The following CLIC5 variants were observed in gnomAD, a reference collection of about 807,000 sequenced individuals.
CLIC5 encodes the protein chloride intracellular channel protein 5.
In CLIC5, 20 loss-of-function variants were observed where a neutral mutation model predicts 24.7. The observed-to-expected ratio is 0.81, with a 90% CI of 0.57 to 1.18. CLIC5 has a LOEUF of 1.18. CLIC5 is among the 50% of genes most tolerant of loss of function. The pLI is 0.00. For missense variants in CLIC5, 341 were observed against 326.1 expected, an observed-to-expected ratio of 1.05 and a Z score of -0.35; for synonymous variants, 159 against 135.6, an observed-to-expected ratio of 1.17 and a Z score of -1.20.
intron 1 of CLIC5, among the ~76,000 whole-genome samples, chr6:45,965,950 G>T (rs570377604): frequency 6.6e-6 from 1 of 152,282 alleles, no homozygotes; most frequent in East Asian, 1.9e-4. Flanking sequence ...TCCTACAAAG[G>T]TTGGTGTTTG....
At chr6:45,967,173 C>G (rs746915092) in intron 1 of CLIC5, among the ~76,000 whole-genome samples, 1 of 152,226 alleles carries the variant, frequency 6.6e-6, no homozygotes, top group Admixed American at 6.5e-5. Context: ...CAAGCTGTAT[C>G]TCCACTCTCA....
intron 1 of CLIC5, among the ~76,000 whole-genome samples, chr6:45,969,786 T>C (rs1185692706): frequency 6.7e-6 from 1 of 149,008 alleles, no homozygotes; most frequent in African/African-American, 2.5e-5. Flanking sequence ...GGATTCACAT[T>C]CACATCAAGG....
intron 4 of CLIC5, among the ~76,000 whole-genome samples, chr6:45,935,292 C>T (rs79174144): frequency 2.0e-5 from 3 of 152,088 alleles, no homozygotes; most frequent in South Asian, 2.1e-4. Context: ...CAGTGGCAGG[C>T]GGGGAGGGGT....
At chr6:46,030,091 C>G (rs1263523784) in intron 1 of CLIC5, among the ~76,000 whole-genome samples, 1 of 152,118 alleles carries the variant, frequency 6.6e-6, no homozygotes, top group African/African-American at 2.4e-5. Context: ...TTTGTAACCT[C>G]CTTGAGAGCC....
chr6:45,920,656 T>G, intron 4 of CLIC5: 1 of 975,858 alleles, frequency 1.0e-6, no homozygotes, highest in Non-Finnish European at 1.2e-6. Context: ...CTTACTCATC[T>G]GTTGGAAGAA....
intron 1 of CLIC5, among the ~76,000 whole-genome samples, chr6:45,998,374 A>T (rs1430615020): frequency 6.6e-6 from 1 of 152,176 alleles, no homozygotes; most frequent in Non-Finnish European, 1.5e-5. Context: ...TAAGCAGTAA[A>T]TATCAAGGGA....
rs554810737 is a variant in CLIC5 at position 45,902,993 on chromosome 6, G to A, written c.*95C>T. ...GATGAGGCTTGATTATAAAAAGTGC[G>A]CCTCAAGGCAGTGATACAGAGGAGT... On this transcript the variant is annotated 3_prime_UTR_variant, in exon 6 of 6. Transcript: ENST00000339561. The A allele has an allele frequency of 6.2e-5, 82 of 1,327,952 alleles. No homozygotes were observed. Among genetic ancestry groups the A allele is most frequent in the Admixed American group, 1.9e-4 (10 of 51,404 alleles). The allele number at this position is 1,327,952 out of a possible 1,614,324, so 82.3% of individuals were successfully genotyped here. A position where few individuals can be genotyped will look rare whatever the true frequency, so the allele number is the denominator to read the frequency against.
At chr6:45,986,538 G>A (rs1765743446) in intron 1 of CLIC5, among the ~76,000 whole-genome samples, 2 of 152,206 alleles carry the variant, frequency 1.3e-5, no homozygotes, top group South Asian at 4.1e-4. Flanking sequence ...TGCCTTAAGG[G>A]CCACTTTGGG....
chr6:46,057,581 T>C (rs752008631), intron 1 of CLIC5, among the ~76,000 whole-genome samples: 1 of 152,246 alleles, frequency 6.6e-6, no homozygotes, highest in African/African-American at 2.4e-5. Context: ...GCTTAACTTT[T>C]GATGACTCCC....
Position 45,928,033 on chromosome 6 carries a change from A to T in CLIC5, c.406+13514T>A, listed in dbSNP as rs568355663. Among the ~76,000 whole-genome samples the T allele has an allele frequency of 2.6e-5, 4 of 152,290 alleles. No homozygotes were observed. The East Asian group carries it at 7.7e-4, about 29-fold the overall frequency. The stretch of plus-strand genomic sequence containing the variant: ...CTTAAGTCTGTGCCTGTCTTAACTC[A>T]TGAGGCTACTCCGGCTCAGCCTGGA... On this transcript the variant is annotated intron_variant, in intron 4 of 5. Coordinates refer to ENST00000339561, the MANE Select transcript of CLIC5 (RefSeq NM_016929.5).
At chr6:46,032,895 G>A (rs1280788267) in intron 1 of CLIC5, among the ~76,000 whole-genome samples, 1 of 151,380 alleles carries the variant, frequency 6.6e-6, no homozygotes, top group Admixed American at 6.6e-5. Context: ...ATCTGTAGCA[G>A]AATCACTTAG....
chr6:45,933,736 G>T (rs1278629083), intron 4 of CLIC5, among the ~76,000 whole-genome samples: 1 of 152,232 alleles, frequency 6.6e-6, no homozygotes, highest in African/African-American at 2.4e-5. Flanking sequence ...GCTGTTCTGT[G>T]TCCCATGTGC....
the CLIC5 span, among the ~76,000 whole-genome samples, chr6:46,109,067 C>T: frequency 6.6e-6 from 1 of 152,104 alleles, no homozygotes; most frequent in South Asian, 2.1e-4. Context: ...TAGGATATGT[C>T]ATCAGTAATA....
chr6:46,063,831 C>T lies in CLIC5; in HGVS notation c.540+15872G>A, dbSNP rs534776756. Among the ~76,000 whole-genome samples, 376 of 152,300 alleles carry T rather than the reference C, an allele frequency of 2.5e-3. 1 individual carries two copies. Among genetic ancestry groups the T allele is most frequent in the African/African-American group, 8.2e-3 (341 of 41,556 alleles). ...ACATGAGCTGTAGACTAGGGCGTTT[C>T]TGGACCCACTTCTACAAAGCTTAAA... is the stretch of plus-strand genomic sequence containing the variant. On this transcript the variant is annotated intron_variant, in intron 1 of 5. Transcript: ENST00000185206.
At chr6:45,944,754 T>C (rs546924616) in intron 3 of CLIC5, among the ~76,000 whole-genome samples, 1 of 152,280 alleles carries the variant, frequency 6.6e-6, no homozygotes, top group African/African-American at 2.4e-5. Context: ...TACTGAGGAC[T>C]AGGCCCTGAG....
chr6:45,997,822 T>C (rs542473533), intron 1 of CLIC5, among the ~76,000 whole-genome samples: 1 of 152,342 alleles, frequency 6.6e-6, no homozygotes, highest in East Asian at 1.9e-4. Context: ...AAGTGGCTAA[T>C]GTGAAAGTTA....
intron 4 of CLIC5, among the ~76,000 whole-genome samples, chr6:45,935,151 T>C (rs1025734994): frequency 4.9e-4 from 75 of 152,182 alleles, no homozygotes; most frequent in Non-Finnish European, 1.9e-4. Flanking sequence ...AAATGCAAAA[T>C]GTAAGACAGA....
intron 4 of CLIC5, among the ~76,000 whole-genome samples, chr6:45,918,726 GCCTGGGCCGAGTA>G (rs1265064379): frequency 1.3e-5 from 2 of 152,256 alleles, no homozygotes; most frequent in African/African-American, 4.8e-5. Flanking sequence ...TTGGGCACTG[GCCTGGGCCGAGTA>G]CCCTCTGCCC....
rs9381418 is a variant in CLIC5, at chr6:46,063,398, T to C, written c.540+16305A>G. ...ACAGACAAAGTATATGAAATGATGG[T>C]TTTCAGACATTAGGAATAGGATACA... is the stretch of plus-strand genomic sequence containing the variant. On this transcript the variant is annotated intron_variant, in intron 1 of 5. Coordinates refer to the CLIC5 transcript ENST00000185206. Among the ~76,000 whole-genome samples, 26 of 152,204 alleles carry C rather than the reference T, an allele frequency of 1.7e-4. No homozygotes were observed. In the East Asian group the frequency reaches 3.7e-3, roughly 21 times the overall value.
Sources: gnomAD v4.1 joint callset for allele counts (sites outside exome capture counted in the v4.1 genomes callset) on GRCh38, gnomAD v4.1.1 for gene constraint, MANE v1.5 for transcripts, NCBI Gene and HGNC (gene_info 2026-07-23, HGNC 2026-07-21) for gene names.